Variants in MOBP observed in about 807,000 individuals in gnomAD.
MOBP encodes myelin-associated oligodendrocyte basic protein.
A neutral mutation model predicts 15.0 loss-of-function variants in MOBP; 5 were observed. The ratio of observed to expected loss-of-function variants is 0.33; its 90% confidence interval spans 0.17 to 0.70. The LOEUF (loss-of-function observed/expected upper bound fraction) is 0.70, where lower values mean the gene tolerates loss of function less well. Ranked by LOEUF, MOBP falls within the 30% of genes least tolerant of loss-of-function variation. The pLI is 0.67. For synonymous variants in MOBP, 88 were observed against 99.0 expected (o/e 0.89, Z 0.66); for missense variants, 188 against 257.8 (o/e 0.73, Z 1.85).
intron 1 of MOBP, among the ~76,000 whole-genome samples, chr3:39,477,570 TAC>T (rs959869132): frequency 1.4e-4 from 21 of 151,788 alleles, no homozygotes; most frequent in African/African-American, 4.4e-4. Context: ...TTTATTATAA[TAC>T]ACTTTTTATT....
chr3:39,513,283 T>A, intron 4 of MOBP: 2 of 1,032,200 alleles, frequency 1.9e-6, no homozygotes, highest in Non-Finnish European at 2.8e-6. Flanking sequence ...TCAAAGGTAG[T>A]CTCAAAATCC....
intron 4 of MOBP, among the ~76,000 whole-genome samples, chr3:39,512,526 T>C (rs1217603440): frequency 6.6e-6 from 1 of 152,192 alleles, no homozygotes; most frequent in Non-Finnish European, 1.5e-5. Context: ...CTCAATCCAG[T>C]TTGAAGGGTA....
At chr3:39,489,508 A>C (rs556926373) in intron 2 of MOBP, among the ~76,000 whole-genome samples, 15 of 152,304 alleles carry the variant, frequency 9.8e-5, no homozygotes, top group African/African-American at 3.6e-4. Flanking sequence ...TTGCACATAT[A>C]GACTGATATC....
At chr3:39,511,609 C>T (rs1253743601) in intron 4 of MOBP, among the ~76,000 whole-genome samples, 3 of 152,136 alleles carry the variant, frequency 2.0e-5, no homozygotes, top group Non-Finnish European at 2.9e-5. Flanking sequence ...AGCAGATGGT[C>T]GCCCTTTCTG....
intron 4 of MOBP, among the ~76,000 whole-genome samples, chr3:39,512,387 T>C (rs1231147314): frequency 1.3e-5 from 2 of 152,196 alleles, no homozygotes; most frequent in Non-Finnish European, 2.9e-5. Flanking sequence ...CTGGAGGTCA[T>C]ACAGGCAATC....
At chr3:39,471,327 C>T (rs1708091) in intron 1 of MOBP, among the ~76,000 whole-genome samples, 41,488 of 151,766 alleles carry the variant, frequency 0.27, 7,220 homozygotes, top group African/African-American at 0.49. Flanking sequence ...GACGGGGTTT[C>T]ACCATGTTAG....
At chr3:39,498,273 TAC>T (rs1316415696) in intron 2 of MOBP, among the ~76,000 whole-genome samples, 5 of 152,230 alleles carry the variant, frequency 3.3e-5, no homozygotes, top group Non-Finnish European at 7.3e-5. Flanking sequence ...CTTAAGCAGG[TAC>T]CCCAACTAAG....
downstream of MOBP, among the ~76,000 whole-genome samples, chr3:39,518,524 T>C (rs144245916): frequency 6.6e-6 from 1 of 152,120 alleles, no homozygotes; most frequent in African/African-American, 2.4e-5. Context: ...CTACCCTTCA[T>C]GCAGAAAGAA....
chr3:39,488,809 T>C (rs2042753088), intron 2 of MOBP, among the ~76,000 whole-genome samples: 1 of 152,186 alleles, frequency 6.6e-6, no homozygotes, highest in African/African-American at 2.4e-5. Flanking sequence ...GCCTCTAAAA[T>C]CCACCTCCAC....
chr3:39,493,429 G>A (rs920878685), intron 2 of MOBP, among the ~76,000 whole-genome samples: 4 of 151,456 alleles, frequency 2.6e-5, no homozygotes, highest in African/African-American at 4.9e-5. Flanking sequence ...AACTTTCAAG[G>A]TTAGTGAGAA....
chr3:39,522,495 A>C (rs560678271), intron 3 of MOBP, among the ~76,000 whole-genome samples: 1 of 152,294 alleles, frequency 6.6e-6, no homozygotes, highest in South Asian at 2.1e-4. Flanking sequence ...GAATGTATGG[A>C]AACAGTCTTG....
chr3:39,474,796 G>A (rs6783436), intron 1 of MOBP, among the ~76,000 whole-genome samples: 3,767 of 152,190 alleles, frequency 0.025, 154 homozygotes, highest in African/African-American at 0.079. Flanking sequence ...AACAAGTAAG[G>A]TTTTTTTGCC....
downstream of MOBP, chr3:39,528,632 GTTTC>G (rs1168464638): frequency 6.6e-6 from 1 of 152,218 alleles, no homozygotes; most frequent in African/African-American, 2.4e-5. Flanking sequence ...GCAGGGTGTT[GTTTC>G]TTTCTATAAG....
intron 2 of MOBP, among the ~76,000 whole-genome samples, chr3:39,494,316 C>T (rs1229379889): frequency 1.3e-5 from 2 of 152,150 alleles, no homozygotes; most frequent in Non-Finnish European, 2.9e-5. Context: ...ACTAGGTGCT[C>T]AATAAATGGT....
chr3:39,522,875 C>T (rs2043286965), intron 3 of MOBP, among the ~76,000 whole-genome samples: 1 of 152,198 alleles, frequency 6.6e-6, no homozygotes, highest in South Asian at 2.1e-4. Flanking sequence ...ATATGACTTT[C>T]TTCCTAGTGG....
intron 2 of MOBP, among the ~76,000 whole-genome samples, chr3:39,493,359 A>G (rs2042829239): frequency 6.6e-6 from 1 of 152,226 alleles, no homozygotes; most frequent in South Asian, 2.1e-4. Flanking sequence ...TATGAATTAG[A>G]AAAAGATATA....
chr3:39,482,585 G>A (rs900288763), intron 2 of MOBP, among the ~76,000 whole-genome samples: 1 of 150,122 alleles, frequency 6.7e-6, no homozygotes, highest in African/African-American at 2.5e-5. Flanking sequence ...CCAGGAGGTG[G>A]AGCTTGCAGT....
chr3:39,483,496 C>G (rs2042656084), intron 2 of MOBP, among the ~76,000 whole-genome samples: 1 of 152,184 alleles, frequency 6.6e-6, no homozygotes, highest in East Asian at 1.9e-4. Context: ...AGCTTAGTAG[C>G]TATCACCACT....
intron 2 of MOBP, among the ~76,000 whole-genome samples, chr3:39,491,561 C>A (rs905456278): frequency 6.6e-6 from 1 of 152,078 alleles, no homozygotes; most frequent in African/African-American, 2.4e-5. Flanking sequence ...TTCTTAATTT[C>A]AAATGGACTG....
Sources: allele counts gnomAD v4.1 joint callset (sites outside exome capture counted in the v4.1 genomes callset), GRCh38; gene constraint gnomAD v4.1.1; transcripts MANE v1.5; gene names NCBI Gene and HGNC (gene_info 2026-07-23, HGNC 2026-07-21).